The following STPG4 variants were observed in gnomAD, a reference collection of about 807,000 sequenced individuals.
The protein encoded by STPG4 is protein STPG4.
A neutral mutation model predicts 31.5 loss-of-function variants in STPG4; 41 were observed. The observed-to-expected ratio is 1.30, with a 90% confidence interval of 1.01 to 1.69. STPG4 has a LOEUF of 1.69. Among genes scored for constraint, STPG4 ranks in the 40% most tolerant of loss-of-function variants. STPG4 has a pLI of 0.00. For missense variants in STPG4, 375 were observed against 293.4 expected (o/e 1.28, Z -2.03); for synonymous variants, 141 against 103.0 (o/e 1.37, Z -2.24).
At chr2:47,100,939 T>G (rs1048828086) in intron 5 of STPG4, among the ~76,000 whole-genome samples, 10 of 151,862 alleles carry the variant, frequency 6.6e-5, no homozygotes, top group Admixed American at 1.3e-4. Flanking sequence ...GGCTTCATTC[T>G]TGAACTCAGT....
At chr2:47,134,602 T>A (rs1015012280) in intron 3 of STPG4, among the ~76,000 whole-genome samples, 1 of 152,270 alleles carries the variant, frequency 6.6e-6, no homozygotes, top group Non-Finnish European at 1.5e-5. Flanking sequence ...TATCCATTCA[T>A]CTACTTAGCA....
At position 47,090,255 on chromosome 2, in the gene STPG4, T is replaced by C. The variant is rs1438068166; in HGVS notation, c.624+15A>G. 6.5e-7 allele frequency: 1 copy of C among 1,537,228 alleles called. No homozygotes were observed. The highest frequency in any genetic ancestry group is 2.4e-5 in the East Asian group (1 of 40,840). On this transcript the variant is annotated intron_variant, in intron 6 of 6. Coordinates refer to ENST00000445927, the MANE Select transcript of STPG4 (RefSeq NM_001163561.2). ...CCCTAGGGGTGGGGGGCGATCTGTC[T>C]TTCCGAATACTTACTGAACAGCTGG...
chr2:47,152,513 G>T (rs1686958578), intron 2 of STPG4, among the ~76,000 whole-genome samples: 1 of 152,176 alleles, frequency 6.6e-6, no homozygotes, highest in African/African-American at 2.4e-5. Context: ...AAACTCTCTG[G>T]TGAGGGGGAT....
intron 3 of STPG4, among the ~76,000 whole-genome samples, chr2:47,133,794 C>G (rs977914460): frequency 3.9e-5 from 6 of 151,932 alleles, no homozygotes; most frequent in African/African-American, 1.5e-4. Context: ...TCACGCTGGT[C>G]TCAAATGCCC....
chr2:47,133,720 G>C (rs527788532), intron 3 of STPG4, among the ~76,000 whole-genome samples: 59 of 151,816 alleles, frequency 3.9e-4, no homozygotes, highest in Non-Finnish European at 7.1e-4. Flanking sequence ...TGGGATTACA[G>C]GCATGCACCA....
At chr2:47,106,061 G>A (rs1439422068) in intron 5 of STPG4, among the ~76,000 whole-genome samples, 1 of 151,376 alleles carries the variant, frequency 6.6e-6, no homozygotes, top group Non-Finnish European at 1.5e-5. Flanking sequence ...GAAAAAGAAA[G>A]AGAAAGAAAG....
At chr2:47,119,146 T>C (rs1686211849) in intron 5 of STPG4, among the ~76,000 whole-genome samples, 2 of 152,340 alleles carry the variant, frequency 1.3e-5, no homozygotes, top group African/African-American at 4.8e-5. Flanking sequence ...GAGTTTCCTC[T>C]CTGCAGTTCA....
chr2:47,151,234 A>T, intron 3 of STPG4, 24 bp downstream of exon 3: 2 of 1,612,142 alleles, frequency 1.2e-6, no homozygotes, highest in Non-Finnish European at 1.7e-6. Flanking sequence ...TCCCACACAA[A>T]GCAATCTGCC....
intron 5 of STPG4, among the ~76,000 whole-genome samples, chr2:47,116,754 C>A (rs1686161297): frequency 6.6e-6 from 1 of 152,152 alleles, no homozygotes; most frequent in African/African-American, 2.4e-5. Flanking sequence ...TCAATATTTT[C>A]CTCATTTTGG....
chr2:47,148,695 G>A (rs1258640312), intron 3 of STPG4, among the ~76,000 whole-genome samples: 5 of 151,948 alleles, frequency 3.3e-5, no homozygotes, highest in Non-Finnish European at 5.9e-5. Flanking sequence ...CCAACTCCAC[G>A]ACAGGCTCCT....
chr2:47,106,597 G>T (rs1685916125), intron 5 of STPG4, among the ~76,000 whole-genome samples: 1 of 151,892 alleles, frequency 6.6e-6, no homozygotes. Flanking sequence ...CCTCCTCACT[G>T]CTGAAAAAGG....
At chr2:47,134,200 C>T (rs562223749) in intron 3 of STPG4, among the ~76,000 whole-genome samples, 1 of 152,310 alleles carries the variant, frequency 6.6e-6, no homozygotes, top group African/African-American at 2.4e-5. Flanking sequence ...CGAACCTACA[C>T]TGGCACATCA....
chr2:47,099,182 C>T (rs1317718949), intron 5 of STPG4, among the ~76,000 whole-genome samples: 1 of 152,052 alleles, frequency 6.6e-6, no homozygotes, highest in African/African-American at 2.4e-5. Flanking sequence ...CAAGGACGCC[C>T]AGGTAATTCA....
intron 3 of STPG4, among the ~76,000 whole-genome samples, chr2:47,130,482 A>T (rs1686456092): frequency 6.6e-6 from 1 of 152,188 alleles, no homozygotes; most frequent in African/African-American, 2.4e-5. Context: ...CATACCTGAG[A>T]TGCTGCATAG....
chr2:47,101,845 C>T (rs1049983168), intron 5 of STPG4, among the ~76,000 whole-genome samples: 1 of 151,908 alleles, frequency 6.6e-6, no homozygotes, highest in African/African-American at 2.4e-5. Flanking sequence ...GTATGGCCCT[C>T]CACTTCATTT....
At chr2:47,090,110 A>G (rs1362183157) in intron 6 of STPG4, among the ~76,000 whole-genome samples, 160 bp downstream of exon 6, 1 of 152,128 alleles carries the variant, frequency 6.6e-6, no homozygotes, top group Non-Finnish European at 1.5e-5. Context: ...TTCACTCCTG[A>G]TTGCCTTGAC....
chr2:47,118,013 G>C (rs1300297846), intron 5 of STPG4, among the ~76,000 whole-genome samples: 2 of 151,840 alleles, frequency 1.3e-5, no homozygotes, highest in African/African-American at 4.8e-5. Flanking sequence ...CTCCCACCTT[G>C]GCCTCCCAGC....
chr2:47,120,256 G>T (rs1016185171), intron 5 of STPG4, among the ~76,000 whole-genome samples: 2 of 152,170 alleles, frequency 1.3e-5, no homozygotes, highest in Non-Finnish European at 2.9e-5. Flanking sequence ...ACTTGAACCC[G>T]GGAGGTGGAG....
chr2:47,122,070 A>G (rs140742586), intron 5 of STPG4, among the ~76,000 whole-genome samples: 1 of 152,166 alleles, frequency 6.6e-6, no homozygotes, highest in Non-Finnish European at 1.5e-5. Flanking sequence ...AGAGCTTTCA[A>G]TCAGCCTTTT....
Sources: gnomAD v4.1 joint callset for allele counts (sites outside exome capture counted in the v4.1 genomes callset) on GRCh38, gnomAD v4.1.1 for gene constraint, MANE v1.5 for transcripts, NCBI Gene and HGNC (gene_info 2026-07-23, HGNC 2026-07-21) for gene names.